Variants in ZNF385D observed in about 807,000 individuals in gnomAD.
ZNF385D encodes zinc finger protein 659.
In ZNF385D, 15 loss-of-function variants were observed where a neutral mutation model predicts 35.8. That is an observed-to-expected ratio of 0.42 (90% CI 0.28 to 0.64). ZNF385D has a LOEUF of 0.64. ZNF385D is among the 30% of genes least tolerant of loss of function. The pLI is 0.23. For missense variants in ZNF385D, 474 were observed against 494.6 expected (o/e 0.96, Z 0.39); for synonymous variants, 212 against 186.8 (o/e 1.13, Z -1.10).
chr3:22,164,797 C>T (rs76250398), intron 3 of ZNF385D, among the ~76,000 whole-genome samples: 1,843 of 151,508 alleles, frequency 0.012, 13 homozygotes, highest in South Asian at 0.023. Flanking sequence ...ACAAAGTGTC[C>T]GGATAATTTT....
At chr3:21,623,351 T>C (rs2065057164) in intron 2 of ZNF385D, among the ~76,000 whole-genome samples, 1 of 152,094 alleles carries the variant, frequency 6.6e-6, no homozygotes, top group Admixed American at 6.6e-5. Context: ...AAAACATTTG[T>C]TTTTGTTTTT....
At chr3:21,901,927 A>G (rs2125899264) in intron 3 of ZNF385D, among the ~76,000 whole-genome samples, 1 of 152,272 alleles carries the variant, frequency 6.6e-6, no homozygotes, top group Non-Finnish European at 1.5e-5. Flanking sequence ...TACCATGTTT[A>G]GTTCCCTTGT....
At chr3:21,898,505 A>G (rs765761283) in intron 3 of ZNF385D, among the ~76,000 whole-genome samples, 2 of 152,092 alleles carry the variant, frequency 1.3e-5, no homozygotes, top group Non-Finnish European at 2.9e-5. Context: ...CATATTATTT[A>G]TACTTCTAGT....
chr3:21,826,102 G>C (rs1422671524), intron 3 of ZNF385D, among the ~76,000 whole-genome samples: 10 of 152,128 alleles, frequency 6.6e-5, no homozygotes, highest in Non-Finnish European at 1.5e-4. Context: ...AAAAACGTTG[G>C]GGACGGCTGC....
chr3:21,551,908 G>A (rs2062579507), intron 3 of ZNF385D, among the ~76,000 whole-genome samples: 2 of 152,024 alleles, frequency 1.3e-5, no homozygotes, highest in Non-Finnish European at 2.9e-5. Flanking sequence ...ATGATAGGAA[G>A]GGTTAAAAAA....
intron 3 of ZNF385D, among the ~76,000 whole-genome samples, chr3:21,780,332 C>T (rs941233229): frequency 3.3e-5 from 5 of 151,980 alleles, no homozygotes; most frequent in African/African-American, 1.2e-4. Context: ...GTAGGGCATA[C>T]TATCATTGCA....
At chr3:21,787,834 C>G (rs1431234334) in intron 3 of ZNF385D, among the ~76,000 whole-genome samples, 1 of 150,724 alleles carries the variant, frequency 6.6e-6, no homozygotes, top group Non-Finnish European at 1.5e-5. Context: ...AGCAATAACT[C>G]GGGAGGCTGA....
chr3:22,078,047 T>C (rs1010039589), intron 3 of ZNF385D, among the ~76,000 whole-genome samples: 2 of 152,050 alleles, frequency 1.3e-5, no homozygotes, highest in Non-Finnish European at 2.9e-5. Context: ...GAAGACAATC[T>C]ATCTTAAATA....
chr3:21,507,426 G>A (rs1172726241), intron 4 of ZNF385D, among the ~76,000 whole-genome samples: 1 of 152,016 alleles, frequency 6.6e-6, no homozygotes, highest in African/African-American at 2.4e-5. Context: ...ACTAAAATGT[G>A]ATTTCATGTG....
chr3:21,957,656 G>C (rs190442000), intron 3 of ZNF385D, among the ~76,000 whole-genome samples: 3 of 152,090 alleles, frequency 2.0e-5, no homozygotes, highest in African/African-American at 7.2e-5. Flanking sequence ...TGCAGGCTTT[G>C]TCTCCAGTTC....
At chr3:22,039,089 C>G (rs1698507641) in intron 3 of ZNF385D, among the ~76,000 whole-genome samples, 1 of 151,662 alleles carries the variant, frequency 6.6e-6, no homozygotes, top group South Asian at 2.1e-4. Context: ...CAAACGATCC[C>G]TATGCAGACC....
chr3:22,157,733 T>C (rs950224375), intron 3 of ZNF385D, among the ~76,000 whole-genome samples: 13 of 152,270 alleles, frequency 8.5e-5, no homozygotes, highest in African/African-American at 2.2e-4. Context: ...AAGTAAACTA[T>C]TGAATTGAAA....
chr3:22,152,753 T>C (rs541470591), intron 3 of ZNF385D, among the ~76,000 whole-genome samples: 1 of 152,268 alleles, frequency 6.6e-6, no homozygotes, highest in African/African-American at 2.4e-5. Context: ...GTATGTGGAG[T>C]TCCTTTGGCC....
Position 22,269,051 on chromosome 3 carries a change from A to G in ZNF385D, c.107-100016T>C, listed in dbSNP as rs1701041333. ...AGGAGGAGAAAAGTAAAGGCCCCAC[A>G]TATTTTCCAGCTTCTTCTTGTCATC... On this transcript the variant is annotated intron_variant, in intron 2 of 5. Coordinates refer to the ZNF385D transcript ENST00000494108. 4.6e-5 allele frequency among the ~76,000 whole-genome samples: 7 copies of G among 151,944 alleles called. No homozygotes were observed. The South Asian group carries it at 1.4e-3, about 31-fold the overall frequency.
intron 3 of ZNF385D, among the ~76,000 whole-genome samples, chr3:21,823,537 G>A (rs536113579): frequency 6.6e-6 from 1 of 152,076 alleles, no homozygotes; most frequent in Non-Finnish European, 1.5e-5. Context: ...CTTTTCATCA[G>A]ACATTACAGC....
chr3:21,999,310 C>T (rs193106602), intron 3 of ZNF385D, among the ~76,000 whole-genome samples: 211 of 152,062 alleles, frequency 1.4e-3, no homozygotes, highest in African/African-American at 4.6e-3. Context: ...TGAAAGGATA[C>T]TTGAGACAAA....
intron 3 of ZNF385D, among the ~76,000 whole-genome samples, chr3:21,528,039 C>T (rs767615366): frequency 9.9e-5 from 15 of 152,122 alleles, no homozygotes; most frequent in Non-Finnish European, 1.2e-4. Context: ...TAAATAACTT[C>T]CCAAGGTCCA....
At chr3:21,540,730 C>T (rs2062152564) in intron 3 of ZNF385D, among the ~76,000 whole-genome samples, 1 of 152,066 alleles carries the variant, frequency 6.6e-6, no homozygotes, top group Non-Finnish European at 1.5e-5. Flanking sequence ...TCATTTATGC[C>T]CAATAAAGAG....
At chr3:22,133,017 T>G (rs1703890966) in intron 3 of ZNF385D, among the ~76,000 whole-genome samples, 1 of 152,152 alleles carries the variant, frequency 6.6e-6, no homozygotes, top group Admixed American at 6.6e-5. Context: ...CTAGAAAATT[T>G]CTATAGTTTC....
Sources: allele counts gnomAD v4.1 joint callset (sites outside exome capture counted in the v4.1 genomes callset), GRCh38; gene constraint gnomAD v4.1.1; transcripts MANE v1.5; gene names NCBI Gene and HGNC (gene_info 2026-07-23, HGNC 2026-07-21).